RIN2: variants seen among roughly 807,000 people sequenced by gnomAD.
RIN2 encodes RAB5 interacting protein 2.
A neutral mutation model predicts 78.0 loss-of-function variants in RIN2; 36 were observed. That is an observed-to-expected ratio of 0.46 (90% CI 0.35 to 0.61). The LOEUF is 0.61. Among genes scored for constraint, RIN2 ranks in the 20% least tolerant of loss-of-function variants. The pLI is 0.00. For missense variants in RIN2, 1,087 were observed against 1,159.7 expected (o/e 0.94, Z 0.91); for synonymous variants, 466 against 466.8 (o/e 1.00, Z 0.02).
rs116906887 is a variant in RIN2 at position 19,953,254 on chromosome 20, C to G, written c.159-3361C>G. Reference sequence around the variant, plus strand: ...CCCATGTTCAAGGCTGCCTCAGCCTCCTGAGTAGCTGGGACTACAGGTGTG... The same window carrying G: ...CCCATGTTCAAGGCTGCCTCAGCCTGCTGAGTAGCTGGGACTACAGGTGTG... On this transcript the variant is annotated intron_variant, in intron 4 of 12. Coordinates refer to ENST00000255006, the MANE Select transcript of RIN2 (RefSeq NM_018993.4). 4.7e-4 allele frequency among the ~76,000 whole-genome samples: 71 copies of G among 152,158 alleles called. No individual in the cohort carries two copies. In the East Asian group the frequency reaches 0.013, roughly 27 times the overall value.
chr20:19,955,335 C>CT (rs970793459), intron 4 of RIN2, among the ~76,000 whole-genome samples: 58 of 149,690 alleles, frequency 3.9e-4, no homozygotes, highest in Non-Finnish European at 5.2e-4. Context: ...ATAGATTACT[C>CT]TTTTTTTTTT....
At chr20:19,870,092 T>C (rs2037644126) in intron 2 of RIN2, among the ~76,000 whole-genome samples, 1 of 152,138 alleles carries the variant, frequency 6.6e-6, no homozygotes, top group South Asian at 2.1e-4. Flanking sequence ...TAGAGTAGAT[T>C]GTAGCCATCA....
chr20:19,867,639 C>T (rs1208144588), intron 2 of RIN2, among the ~76,000 whole-genome samples: 3 of 152,164 alleles, frequency 2.0e-5, no homozygotes, highest in East Asian at 1.9e-4. Flanking sequence ...GTTTTGCACC[C>T]GTGGCAGGAA....
chr20:19,945,137 A>T (rs2041035184), intron 4 of RIN2, among the ~76,000 whole-genome samples: 1 of 152,224 alleles, frequency 6.6e-6, no homozygotes, highest in Non-Finnish European at 1.5e-5. Context: ...GAGATTAAAC[A>T]GTGCATGGTA....
At chr20:19,815,497 C>G (rs138595341) in intron 2 of RIN2, among the ~76,000 whole-genome samples, 51 of 152,318 alleles carry the variant, frequency 3.3e-4, no homozygotes, top group Non-Finnish European at 3.8e-4. Context: ...TGAGTTCAAT[C>G]TTGCCATCAA....
intron 2 of RIN2, among the ~76,000 whole-genome samples, chr20:19,876,551 T>G (rs2037859423): frequency 6.6e-6 from 1 of 150,612 alleles, no homozygotes; most frequent in South Asian, 2.1e-4. Flanking sequence ...ACACAGACTA[T>G]GATGGCATAA....
chr20:19,889,195 C>G (rs2038329047), intron 2 of RIN2: 3 of 985,308 alleles, frequency 3.0e-6, no homozygotes, highest in South Asian at 9.4e-5. Context: ...TCAGCTGTCC[C>G]TCTGTGATCA....
At position 20,001,064 on chromosome 20, in the gene RIN2, T is replaced by C; in HGVS notation, c.*128T>C. ...ACCCCTCAGTGTAGTGACTAAGCCATCCACAGGCCAACTCGGCCAAGGGCA... is the reference window on the plus strand; with the variant it reads ...ACCCCTCAGTGTAGTGACTAAGCCACCCACAGGCCAACTCGGCCAAGGGCA... On this transcript the variant is annotated 3_prime_UTR_variant, in exon 13 of 13. Transcript: ENST00000255006. 1 of 850,678 alleles carries C rather than the reference T, an allele frequency of 1.2e-6. No homozygotes were observed. Among genetic ancestry groups the C allele is most frequent in the Non-Finnish European group, 1.8e-6 (1 of 568,894 alleles). The allele number at this position is 850,678 out of a possible 1,614,324, so 52.7% of individuals were successfully genotyped here. A position where few individuals can be genotyped will look rare whatever the true frequency, so the allele number is the denominator to read the frequency against.
chr20:19,799,778 T>C (rs527367123), intron 2 of RIN2, 31 bp downstream of exon 2: 163 of 152,324 alleles, frequency 1.1e-3, no homozygotes, highest in African/African-American at 3.9e-3. Context: ...AAACCCAGTG[T>C]GCGCCACCCC....
At chr20:19,776,972 C>T (rs1426006497) in intron 1 of RIN2, among the ~76,000 whole-genome samples, 1 of 152,170 alleles carries the variant, frequency 6.6e-6, no homozygotes, top group African/African-American at 2.4e-5. Context: ...CCACTGATCA[C>T]TCATATTTGG....
At chr20:19,802,882 C>A (rs1423020842) in intron 2 of RIN2, among the ~76,000 whole-genome samples, 1 of 152,172 alleles carries the variant, frequency 6.6e-6, no homozygotes, top group Non-Finnish European at 1.5e-5. Context: ...AATGTATCCT[C>A]TCTTGGACAC....
At chr20:19,991,120 G>C (rs2042785979) in intron 10 of RIN2, among the ~76,000 whole-genome samples, 1 of 152,158 alleles carries the variant, frequency 6.6e-6, no homozygotes. Context: ...AAGCAGCAGA[G>C]AGAAAACACA....
At position 19,935,098 on chromosome 20, in the gene RIN2, G is replaced by T. The variant is rs1220896202; in HGVS notation, c.58-1G>T. On this transcript the variant is annotated splice_acceptor_variant, in intron 3 of 12. Transcript: ENST00000255006. LOFTEE classifies it high-confidence loss of function. ...GTCATACTATTTTTGTCTTTGAATA[G>T]CTCATTGACACAATTGCCTCGGAGA... The T allele has an allele frequency of 6.3e-7, 1 of 1,588,074 alleles. No homozygotes were observed. Among genetic ancestry groups the T allele is most frequent in the East Asian group, 2.3e-5 (1 of 43,562 alleles).
At chr20:19,958,998 AATT>A (rs2041648188) in intron 5 of RIN2, among the ~76,000 whole-genome samples, 1 of 152,220 alleles carries the variant, frequency 6.6e-6, no homozygotes, top group Non-Finnish European at 1.5e-5. Context: ...GCCCATCCTT[AATT>A]ATTCTACAAT....
At chr20:19,811,967 A>T (rs2035617484) in intron 2 of RIN2, among the ~76,000 whole-genome samples, 2 of 152,188 alleles carry the variant, frequency 1.3e-5, no homozygotes, top group South Asian at 4.1e-4. Context: ...CATAAGTGGA[A>T]CTATACCATA....
At chr20:19,815,587 A>G (rs1464405768) in intron 2 of RIN2, among the ~76,000 whole-genome samples, 2 of 152,136 alleles carry the variant, frequency 1.3e-5, no homozygotes, top group Non-Finnish European at 2.9e-5. Context: ...TTTCCCTGAC[A>G]TGCTCGGTGT....
intron 4 of RIN2, among the ~76,000 whole-genome samples, chr20:19,946,672 C>T (rs1468373484): frequency 6.8e-6 from 1 of 146,404 alleles, no homozygotes; most frequent in Non-Finnish European, 1.5e-5. Flanking sequence ...ATTGTGTCAC[C>T]ACTGCACTCC....
At chr20:19,927,778 G>A (rs2040284636) in intron 3 of RIN2, among the ~76,000 whole-genome samples, 1 of 152,182 alleles carries the variant, frequency 6.6e-6, no homozygotes. Context: ...TCAAACTCCT[G>A]GGCTCAAGTG....
At chr20:19,882,980 G>A (rs534256745) in intron 2 of RIN2, among the ~76,000 whole-genome samples, 1 of 152,304 alleles carries the variant, frequency 6.6e-6, no homozygotes, top group Non-Finnish European at 1.5e-5. Context: ...TAGGCTATTT[G>A]TAGCTAAGTT....
Sources: gnomAD v4.1 joint callset for allele counts (sites outside exome capture counted in the v4.1 genomes callset) on GRCh38, gnomAD v4.1.1 for gene constraint, MANE v1.5 for transcripts, NCBI Gene and HGNC (gene_info 2026-07-23, HGNC 2026-07-21) for gene names.